WWC2: variants seen among roughly 807,000 people sequenced by gnomAD.
WWC2 encodes WW and C2 domain containing 2.
In WWC2, 101 loss-of-function variants were observed where a neutral mutation model predicts 138.5. The observed-to-expected ratio is 0.73, with a 90% CI of 0.62 to 0.86. The LOEUF (loss-of-function observed/expected upper bound fraction) is 0.86. Ranked by LOEUF, WWC2 falls within the 40% of genes least tolerant of loss-of-function variation. The probability of loss-of-function intolerance (pLI) is 0.00; values close to 1 mark genes in which losing one functional copy is unlikely to be tolerated. For missense variants in WWC2, 1,420 were observed against 1,419.4 expected (o/e 1.00, Z -0.01); for synonymous variants, 558 against 538.4 (o/e 1.04, Z -0.50).
intron 2 of WWC2, among the ~76,000 whole-genome samples, chr4:183,198,868 A>C (rs559130124): frequency 6.7e-6 from 1 of 150,186 alleles, no homozygotes; most frequent in Non-Finnish European, 1.5e-5. Flanking sequence ...TACTGCTTTC[A>C]AAATGAGTTT....
intron 21 of WWC2, among the ~76,000 whole-genome samples, chr4:183,290,193 T>TA (rs1262531809): frequency 6.6e-6 from 1 of 152,204 alleles, no homozygotes; most frequent in East Asian, 1.9e-4. Context: ...ATAGGTATAC[T>TA]AAAAAAAGAT....
At chr4:183,257,335 A>G (rs922435628) in intron 9 of WWC2, among the ~76,000 whole-genome samples, 1 of 152,178 alleles carries the variant, frequency 6.6e-6, no homozygotes. Context: ...TATAGATGAC[A>G]TGAAATTTTC....
chr4:183,234,796 C>T lies in WWC2; in HGVS notation c.523-5387C>T, dbSNP rs141519772. On this transcript the variant is annotated intron_variant, in intron 4 of 22. Coordinates refer to ENST00000403733, the MANE Select transcript of WWC2 (RefSeq NM_024949.6). ...TAAAAGCACTTATGAACTTAGCTCT[C>T]ATTATTGCTTCCTAGTAGAGTCTAC... Among the ~76,000 whole-genome samples, 1,267 of 152,264 alleles carry T rather than the reference C, an allele frequency of 8.3e-3. 32 individuals are homozygous for T. The highest frequency in any genetic ancestry group is 0.029 in the African/African-American group (1,195 of 41,544).
chr4:183,284,304 T>C lies in WWC2; in HGVS notation c.2962T>C (p.Ser988Pro). 6.2e-7 allele frequency: 1 copy of C among 1,614,014 alleles called. No individual in the cohort carries two copies. The highest frequency in any genetic ancestry group is 1.1e-5 in the South Asian group (1 of 91,082). The stretch of plus-strand genomic sequence containing the variant: ...CCCCAAAGAGCGCAGCAGCCTGAGC[T>C]CTAGACAGCATCCGTTTGTGAGGAG... ...VRPKERSSLS[S>P]RQHPFVRSSV... Residue 988 changes from serine to proline, a missense_variant, in exon 19 of 23, where the codon TCT (serine) becomes CCT (proline). Ser to Pro is a moderately conservative substitution (Grantham distance 74, BLOSUM62 -1). Coordinates refer to ENST00000403733, the MANE Select transcript of WWC2 (RefSeq NM_024949.6).
chr4:183,225,881 G>T (rs1487890154), intron 4 of WWC2, among the ~76,000 whole-genome samples: 2 of 151,796 alleles, frequency 1.3e-5, no homozygotes, highest in Non-Finnish European at 2.9e-5. Context: ...TTGGTCTAAT[G>T]GTTGTATGTG....
At chr4:183,301,733 T>G (rs1738845872) in intron 21 of WWC2, among the ~76,000 whole-genome samples, 1 of 152,216 alleles carries the variant, frequency 6.6e-6, no homozygotes, top group Non-Finnish European at 1.5e-5. Flanking sequence ...TTTAAATGCT[T>G]AAGTAACACA....
In WWC2 at chr4:183,260,071, TACTC is replaced by T. The variant is rs149563837; in HGVS notation, c.1286+348_1286+351del. Among the ~76,000 whole-genome samples, 1,010 of 152,260 alleles carry T rather than the reference TACTC, an allele frequency of 6.6e-3. 13 individuals carry two copies. Among genetic ancestry groups the T allele is most frequent in the African/African-American group, 0.023 (956 of 41,550 alleles). On this transcript the variant is annotated intron_variant, in intron 10 of 22. Coordinates refer to ENST00000403733, the MANE Select transcript of WWC2 (RefSeq NM_024949.6). ...GATTTCCTTACATTGATGAGAAAAA[TACTC>T]ACTCCTCACATTCACACACAAAGAG...
chr4:183,238,763 C>A (rs1736513738), intron 4 of WWC2, among the ~76,000 whole-genome samples: 1 of 152,158 alleles, frequency 6.6e-6, no homozygotes, highest in Non-Finnish European at 1.5e-5. Context: ...GTTCTCTTGG[C>A]ATATCTAGGT....
At chr4:183,180,342 G>C (rs907437872) in intron 1 of WWC2, among the ~76,000 whole-genome samples, 3 of 152,140 alleles carry the variant, frequency 2.0e-5, no homozygotes, top group African/African-American at 7.2e-5. Context: ...CTTGTCTCAT[G>C]ATTTCCTTGT....
At chr4:183,117,992 G>A (rs1289543237) in intron 1 of WWC2, among the ~76,000 whole-genome samples, 1 of 151,354 alleles carries the variant, frequency 6.6e-6, no homozygotes, top group Non-Finnish European at 1.5e-5. Context: ...TAGAGACGGG[G>A]TTTCGCCATG....
At chr4:183,312,210 G>A (rs983041682) in intron 21 of WWC2, 131 bp from the exon 22 acceptor site, 9 of 1,230,252 alleles carry the variant, frequency 7.3e-6, no homozygotes, top group African/African-American at 1.5e-5. Context: ...TGATAAAAAG[G>A]ACACCAGCCC....
intron 21 of WWC2, among the ~76,000 whole-genome samples, chr4:183,303,795 A>G (rs1351572455): frequency 3.3e-5 from 5 of 152,170 alleles, no homozygotes; most frequent in African/African-American, 9.6e-5. Flanking sequence ...AGTAATATAA[A>G]CAGTTATATG....
chr4:183,124,574 C>T (rs1435546677), intron 1 of WWC2, among the ~76,000 whole-genome samples: 1 of 147,460 alleles, frequency 6.8e-6, no homozygotes, highest in Admixed American at 6.7e-5. Flanking sequence ...AGGCATGAGC[C>T]ACCATGCCCA....
chr4:183,162,224 T>C (rs988557833), intron 1 of WWC2, among the ~76,000 whole-genome samples: 1 of 152,152 alleles, frequency 6.6e-6, no homozygotes, highest in Non-Finnish European at 1.5e-5. Flanking sequence ...ACCCTAATTC[T>C]CAGTGTTTCT....
At chr4:183,199,077 A>G (rs150034184) in intron 2 of WWC2, among the ~76,000 whole-genome samples, 147 of 152,320 alleles carry the variant, frequency 9.7e-4, no homozygotes, top group African/African-American at 3.2e-3. Flanking sequence ...GCTGAAACCA[A>G]AGAGATGACT....
At position 183,246,031 on chromosome 4, in the gene WWC2, A is replaced by C. The variant is rs530951603; in HGVS notation, c.732+486A>C. On this transcript the variant is annotated intron_variant, in intron 6 of 22. Transcript: ENST00000403733. ...GGTGCCAGCTAAGGGTGGGGCGGGGAGTGCTGACCCAGCTGGGGGATGCCT... is the reference window on the plus strand; with the variant it reads ...GGTGCCAGCTAAGGGTGGGGCGGGGCGTGCTGACCCAGCTGGGGGATGCCT... Among the ~76,000 whole-genome samples the C allele has an allele frequency of 2.6e-5, 4 of 152,224 alleles. No individual in the cohort carries two copies. The South Asian group carries it at 8.3e-4, about 32-fold the overall frequency.
intron 21 of WWC2, among the ~76,000 whole-genome samples, chr4:183,311,625 G>C (rs943976649): frequency 6.8e-6 from 1 of 147,830 alleles, no homozygotes; most frequent in Non-Finnish European, 1.5e-5. Flanking sequence ...TGTCGCCCAG[G>C]CTGGTGTTCA....
intron 1 of WWC2, among the ~76,000 whole-genome samples, chr4:183,133,025 T>TCAC (rs200869282): frequency 2.9e-5 from 4 of 136,184 alleles, no homozygotes; most frequent in East Asian, 2.0e-4. Flanking sequence ...TCCCTTCCCT[T>TCAC]TTTTTCCTTT....
chr4:183,104,613 A>G (rs577394543), intron 1 of WWC2, among the ~76,000 whole-genome samples: 5 of 152,336 alleles, frequency 3.3e-5, no homozygotes, highest in South Asian at 4.1e-4. Context: ...CCAAGTGGTT[A>G]CTGTGAATTA....
Sources: allele counts gnomAD v4.1 joint callset (sites outside exome capture counted in the v4.1 genomes callset), GRCh38; gene constraint gnomAD v4.1.1; transcripts MANE v1.5; gene names NCBI Gene and HGNC (gene_info 2026-07-23, HGNC 2026-07-21).